Variants in KCNJ18 observed in about 807,000 individuals in gnomAD.
KCNJ18 encodes the protein potassium inwardly rectifying channel subfamily J member 18.
A neutral mutation model predicts 17.3 loss-of-function variants in KCNJ18; 16 were observed. The observed-to-expected ratio is 0.92, with a 90% CI of 0.62 to 1.40. KCNJ18 has a LOEUF of 1.40. Among genes scored for constraint, KCNJ18 ranks in the 40% most tolerant of loss-of-function variants. The pLI, the probability that KCNJ18 is intolerant of heterozygous loss-of-function variation, is 0.00. For synonymous variants in KCNJ18, 185 were observed against 262.6 expected, an observed-to-expected ratio of 0.70 and a Z score of 2.86; for missense variants, 462 against 626.8, an observed-to-expected ratio of 0.74 and a Z score of 2.81.
At position 21,703,264 on chromosome 17, in the gene KCNJ18, T is replaced by C. The variant is rs1906034856; in HGVS notation, c.478T>C (p.Phe160Leu). The change falls in exon 3 of 3, where the codon TTC becomes CTC. Residue 160 changes from phenylalanine to leucine, a missense_variant. Phe to Leu is a conservative substitution (Grantham distance 22). Transcript: ENST00000567955. Reference sequence around the variant, plus strand: ...GACGGAGGAGTGCCTGGTGGCCGTCTTCATGGTGGTGGCCCAGTCCATCGT... The same window carrying C: ...GACGGAGGAGTGCCTGGTGGCCGTCCTCATGGTGGTGGCCCAGTCCATCGT... The part of the protein sequence containing the change: ...CVTEECLVAV[F>L]MVVAQSIVGC... The C allele has an allele frequency of 1.9e-5, 31 of 1,609,698 alleles. No individual in the cohort carries two copies. Among genetic ancestry groups the C allele is most frequent in the Non-Finnish European group, 2.5e-5 (29 of 1,178,054 alleles).
In KCNJ18 at chr17:21,704,093, A is replaced by G; in HGVS notation, c.*5A>G. 2 of 1,540,192 alleles carry G rather than the reference A, an allele frequency of 1.3e-6. No homozygotes were observed. Among genetic ancestry groups the G allele is most frequent in the Non-Finnish European group, 1.7e-6 (2 of 1,144,816 alleles). On this transcript the variant is annotated 3_prime_UTR_variant, in exon 3 of 3. Transcript: ENST00000567955. ...AGACGGGGGTCAGAGATCTGAGCCA[A>G]CCTTGGCCGACATGCAGCATCCACC...
intron 1 of KCNJ18, among the ~76,000 whole-genome samples, chr17:21,695,607 G>A (rs1384934140): frequency 0.11 from 12,274 of 113,744 alleles, no homozygotes; most frequent in African/African-American, 0.17. Context: ...TGTGACAGTG[G>A]GAGAATTACC....
chr17:21,694,229 C>A (rs1905689262), intron 1 of KCNJ18, among the ~76,000 whole-genome samples: 1 of 152,104 alleles, frequency 6.6e-6, no homozygotes, highest in Non-Finnish European at 1.5e-5. Context: ...AAAGGGCAGG[C>A]CCCATGAACT....
chr17:21,698,634 G>C (rs1350893347), intron 2 of KCNJ18, among the ~76,000 whole-genome samples: 2 of 152,198 alleles, frequency 1.3e-5, no homozygotes, highest in East Asian at 3.9e-4. Context: ...GAAGCCCAGG[G>C]CCTCAGGGCA....
intron 2 of KCNJ18, among the ~76,000 whole-genome samples, chr17:21,699,323 G>T (rs1444949510): frequency 6.6e-6 from 1 of 152,108 alleles, no homozygotes; most frequent in African/African-American, 2.4e-5. Context: ...GTAACTTCTT[G>T]CCACACCTGT....
At position 21,703,254 on chromosome 17, in the gene KCNJ18, G is replaced by A; in HGVS notation, c.468G>A (p.Leu156=). 2 of 1,610,288 alleles carry A rather than the reference G, an allele frequency of 1.2e-6. No homozygotes were observed. The highest frequency in any genetic ancestry group is 1.7e-6 in the Non-Finnish European group (2 of 1,178,478). Residue 156 remains leucine (L), a synonymous_variant, in exon 3 of 3, where the codon CTG becomes CTA. Coordinates refer to ENST00000567955, the MANE Select transcript of KCNJ18 (RefSeq NM_001194958.2). ...TGCGCTGTGTGACGGAGGAGTGCCT[G>A]GTGGCCGTCTTCATGGTGGTGGCCC... The part of the protein sequence containing the change: ...YGLRCVTEEC[L]VAVFMVVAQS...
Position 21,703,088 on chromosome 17 carries a change from T to C in KCNJ18, c.302T>C (p.Ile101Thr). 6 of 1,612,960 alleles carry C rather than the reference T, an allele frequency of 3.7e-6. No homozygotes were observed. Among genetic ancestry groups the C allele is most frequent in the Non-Finnish European group, 5.1e-6 (6 of 1,179,872 alleles). Residue 101 changes from isoleucine to threonine, a missense_variant, in exon 3 of 3, where the codon ATC (isoleucine) becomes ACC (threonine). Ile to Thr is a moderately conservative substitution (Grantham distance 89, BLOSUM62 -1). This residue lies in a region of KCNJ18 where 237 missense variants were observed against 259.4 expected (regional missense o/e 0.91). Transcript: ENST00000567955. ...GCCTCCTGGCTGCTGTTCGGCGTCA[T>C]CTTCTGGGTCATCGCGGTGGCACAC... ...FLASWLLFGVIFWVIAVAHGD... is the reference protein window; with the variant it reads ...FLASWLLFGVTFWVIAVAHGD...
rs1261770097 is a variant in KCNJ18, at chr17:21,702,074, C to G, written c.-56-657C>G. Among the ~76,000 whole-genome samples, 7 of 152,332 alleles carry G rather than the reference C, an allele frequency of 4.6e-5. No individual in the cohort carries two copies. In the East Asian group the frequency reaches 1.4e-3, roughly 29 times the overall value. ...AGAAAGGGCAGTGCTGTGGATATAGCAGGGATGGGACATGGGTCTTCCTGG... is the reference window on the plus strand; with the variant it reads ...AGAAAGGGCAGTGCTGTGGATATAGGAGGGATGGGACATGGGTCTTCCTGG... On this transcript the variant is annotated intron_variant, in intron 2 of 2. Coordinates refer to ENST00000567955, the MANE Select transcript of KCNJ18 (RefSeq NM_001194958.2).
At chr17:21,701,923 A>AAG (rs1905967988) in intron 2 of KCNJ18, among the ~76,000 whole-genome samples, 1 of 151,756 alleles carries the variant, frequency 6.6e-6, no homozygotes, top group African/African-American at 2.4e-5. Context: ...AAAAGAAAAA[A>AAG]AAAAGAAAAA....
intron 2 of KCNJ18, among the ~76,000 whole-genome samples, chr17:21,702,511 T>G (rs1905993324): frequency 6.6e-6 from 1 of 151,964 alleles, no homozygotes; most frequent in African/African-American, 2.4e-5. Context: ...GGGAGTGAGG[T>G]GTGGAGCTGA....
chr17:21,699,561 A>G (rs1905870272), intron 2 of KCNJ18, among the ~76,000 whole-genome samples: 1 of 152,242 alleles, frequency 6.6e-6, no homozygotes, highest in Non-Finnish European at 1.5e-5. Flanking sequence ...TCTGGGCTCC[A>G]ACTCTCTCTT....
At chr17:21,697,807 G>A (rs1255920558) in intron 2 of KCNJ18, among the ~76,000 whole-genome samples, 2 of 152,312 alleles carry the variant, frequency 1.3e-5, no homozygotes, top group African/African-American at 4.8e-5. Flanking sequence ...CCAGGCCCCA[G>A]TGCTGCATCT....
At chr17:21,701,193 G>A (rs1488650132) in intron 2 of KCNJ18, among the ~76,000 whole-genome samples, 3 of 152,194 alleles carry the variant, frequency 2.0e-5, no homozygotes, top group Non-Finnish European at 1.5e-5. Context: ...TGTGTGTCCC[G>A]GGGGTGGGCA....
intron 1 of KCNJ18, among the ~76,000 whole-genome samples, chr17:21,694,599 C>T (rs1283517524): frequency 0.41 from 60,715 of 149,244 alleles, 13,835 homozygotes; most frequent in East Asian, 0.82. Flanking sequence ...TATCCATCTA[C>T]CCACCCATCC....
chr17:21,693,129 T>C (rs1336916994), intron 1 of KCNJ18, among the ~76,000 whole-genome samples: 1 of 152,294 alleles, frequency 6.6e-6, no homozygotes, highest in African/African-American at 2.4e-5. Flanking sequence ...CCGGGAAGCA[T>C]TTGTGGGACT....
In KCNJ18 at chr17:21,698,853, C is replaced by T. The variant is rs1156569781; in HGVS notation, c.-57+2749C>T. On this transcript the variant is annotated intron_variant, in intron 2 of 2. Transcript: ENST00000567955. ...AAAGCAGGGATCTCCGGGGGTCTGC[C>T]GGGCCCGCGCTCTCTCCCCACTGCC... is the stretch of plus-strand genomic sequence containing the variant. 3.9e-5 allele frequency among the ~76,000 whole-genome samples: 6 copies of T among 152,360 alleles called. No individual in the cohort carries two copies. The East Asian group carries it at 5.8e-4, about 15-fold the overall frequency.
At chr17:21,697,888 G>T (rs1234722233) in intron 2 of KCNJ18, among the ~76,000 whole-genome samples, 4 of 152,306 alleles carry the variant, frequency 2.6e-5, no homozygotes, top group Admixed American at 2.6e-4. Flanking sequence ...CTGTGGCTGA[G>T]GAATGGTGCT....
At position 21,702,889 on chromosome 17, in the gene KCNJ18, A is replaced by G; in HGVS notation, c.103A>G (p.Lys35Glu). ...GGGCGCCAACGGCTTCGGCAACGGC[A>G]AGGTGCACACGCGGCGCAGGTGCCG... is the stretch of plus-strand genomic sequence containing the variant. The part of the protein sequence containing the change: ...MSGANGFGNG[K>E]VHTRRRCRNR... Residue 35 changes from lysine (K) to glutamate (E), a missense_variant, in exon 3 of 3, where the codon AAG (lysine) becomes GAG (glutamate). By Grantham distance (56) the Lys-to-Glu change is moderately conservative. Around this residue, in one of 5 missense-constraint regions of KCNJ18, gnomAD observed 237 missense variants for 259.4 expected, o/e 0.91. Transcript: ENST00000567955. 6.2e-7 allele frequency: 1 copy of G among 1,600,576 alleles called. No homozygotes were observed. The highest frequency in any genetic ancestry group is 8.5e-7 in the Non-Finnish European group (1 of 1,176,880).
In KCNJ18 at chr17:21,703,794, C is replaced by G. The variant is rs1210599976; in HGVS notation, c.1008C>G (p.Asn336Lys). 13 of 1,609,266 alleles carry G rather than the reference C, an allele frequency of 8.1e-6. No individual in the cohort carries two copies. The highest frequency in any genetic ancestry group is 6.7e-5 in the Admixed American group (4 of 59,608). Residue 336 changes from asparagine to lysine, a missense_variant, in exon 3 of 3, where the codon AAC becomes AAG. Physicochemically the swap from Asn to Lys is moderately conservative, Grantham distance 94. Around this residue, in one of 5 missense-constraint regions of KCNJ18, gnomAD observed 20 missense variants for 61.7 expected, o/e 0.32. Coordinates refer to ENST00000567955, the MANE Select transcript of KCNJ18 (RefSeq NM_001194958.2). Reference sequence around the variant, plus strand: ...AGCCCGTGCTCTTCGAGGAGAAGAACCAGTACAAGATTGACTACTCGCACT... The same window carrying G: ...AGCCCGTGCTCTTCGAGGAGAAGAAGCAGTACAAGATTGACTACTCGCACT... ...RFEPVLFEEK[N>K]QYKIDYSHFH...
Sources: allele counts gnomAD v4.1 joint callset (sites outside exome capture counted in the v4.1 genomes callset), GRCh38; gene constraint gnomAD v4.1.1; regional missense constraint gnomAD v4.1.1; transcripts MANE v1.5; gene names NCBI Gene and HGNC (gene_info 2026-07-23, HGNC 2026-07-21).